The following DPH6 variants were observed in gnomAD, a reference collection of about 807,000 sequenced individuals.
The protein encoded by DPH6 is diphthamine biosynthesis 6, also known as diphthine--ammonia ligase.
Under a neutral mutation model 38.2 loss-of-function variants are expected in DPH6, and 33 were observed. The observed-to-expected ratio is 0.86, with a 90% CI of 0.65 to 1.15. The LOEUF (loss-of-function observed/expected upper bound fraction) is 1.15. Ranked by LOEUF, DPH6 falls within the 50% of genes most tolerant of loss-of-function variation. The pLI is 0.00. For missense variants in DPH6, 325 were observed against 320.0 expected (o/e 1.02, Z -0.12); for synonymous variants, 108 against 103.0 (o/e 1.05, Z -0.30).
intron 3 of DPH6, among the ~76,000 whole-genome samples, chr15:35,345,364 T>C (rs1489292063): frequency 6.6e-6 from 1 of 151,928 alleles, no homozygotes; most frequent in East Asian, 1.9e-4. Context: ...TTATTTATTT[T>C]TCTTGCCCAT....
chr15:35,338,578 T>C (rs1306243344), intron 3 of DPH6, among the ~76,000 whole-genome samples: 3 of 152,102 alleles, frequency 2.0e-5, no homozygotes, highest in African/African-American at 4.8e-5. Flanking sequence ...TTTTACACTA[T>C]TGGTGGGACT....
At chr15:35,337,175 G>A (rs1230501663) in intron 3 of DPH6, among the ~76,000 whole-genome samples, 1 of 152,172 alleles carries the variant, frequency 6.6e-6, no homozygotes, top group Non-Finnish European at 1.5e-5. Context: ...TTAGTCTTGG[G>A]AGAGTGTATG....
intron 3 of DPH6, chr15:35,520,583 CTTA>C (rs2054909881): frequency 2.0e-6 from 2 of 984,474 alleles, no homozygotes. Flanking sequence ...CATAAAGCTT[CTTA>C]TAATACTACC....
At chr15:35,318,182 G>C (rs553266429) in intron 3 of DPH6, among the ~76,000 whole-genome samples, 1 of 151,966 alleles carries the variant, frequency 6.6e-6, no homozygotes, top group East Asian at 1.9e-4. Context: ...AGAAAGGTTA[G>C]AAATAAAAAA....
At chr15:35,335,859 C>T (rs961312990) in intron 3 of DPH6, among the ~76,000 whole-genome samples, 16 of 152,184 alleles carry the variant, frequency 1.1e-4, no homozygotes, top group Admixed American at 9.8e-4. Context: ...ATTGTCTTGG[C>T]TCTTTGGCCT....
chr15:35,327,666 G>T (rs766769495), downstream of DPH6, among the ~76,000 whole-genome samples: 1 of 152,158 alleles, frequency 6.6e-6, no homozygotes, highest in Non-Finnish European at 1.5e-5. Flanking sequence ...TGAGCGAAGT[G>T]AAAGTCAGGA....
chr15:35,321,691 A>AT (rs1368267513), intron 3 of DPH6, among the ~76,000 whole-genome samples: 1 of 152,130 alleles, frequency 6.6e-6, no homozygotes, highest in Non-Finnish European at 1.5e-5. Flanking sequence ...AGTTTTATGG[A>AT]TTTTTCTAAA....
At chr15:35,345,247 T>A (rs1395176012) in intron 3 of DPH6, among the ~76,000 whole-genome samples, 1 of 151,868 alleles carries the variant, frequency 6.6e-6, no homozygotes, top group African/African-American at 2.4e-5. Flanking sequence ...CTTATCGATC[T>A]CAGTATTAAT....
At chr15:35,239,406 C>A (rs1294674276) in intron 3 of DPH6, among the ~76,000 whole-genome samples, 3 of 144,172 alleles carry the variant, frequency 2.1e-5, no homozygotes, top group African/African-American at 7.5e-5. Flanking sequence ...GGGAAGGCAG[C>A]CTTCCCTTGG....
intron 7 of DPH6, among the ~76,000 whole-genome samples, chr15:35,376,041 T>C (rs1174585926): frequency 1.3e-5 from 2 of 152,186 alleles, no homozygotes; most frequent in African/African-American, 2.4e-5. Flanking sequence ...AAGCCTTCCC[T>C]GACACCCTCA....
intron 6 of DPH6, among the ~76,000 whole-genome samples, chr15:35,382,231 C>T (rs994162321): frequency 6.6e-5 from 10 of 151,728 alleles, no homozygotes; most frequent in African/African-American, 1.9e-4. Flanking sequence ...GTCAGGAGAT[C>T]GAGACCATCC....
intron 5 of DPH6, among the ~76,000 whole-genome samples, chr15:35,411,781 C>T (rs1393615985): frequency 6.6e-6 from 1 of 151,610 alleles, no homozygotes; most frequent in Non-Finnish European, 1.5e-5. Flanking sequence ...GTTTTGTCAA[C>T]AAATGGTGTG....
chr15:35,349,419 C>T (rs752525003), intron 3 of DPH6, among the ~76,000 whole-genome samples: 3 of 151,942 alleles, frequency 2.0e-5, no homozygotes, highest in Non-Finnish European at 4.4e-5. Context: ...TGACTACGTG[C>T]ATTGTTTGTT....
At chr15:35,451,781 C>T (rs932807948) in intron 4 of DPH6, among the ~76,000 whole-genome samples, 1 of 152,128 alleles carries the variant, frequency 6.6e-6, no homozygotes, top group Admixed American at 6.5e-5. Context: ...GAGGCCAAGG[C>T]GGGTGGATCA....
chr15:35,377,948 C>G (rs998328116), intron 7 of DPH6, among the ~76,000 whole-genome samples: 1 of 151,692 alleles, frequency 6.6e-6, no homozygotes, highest in Non-Finnish European at 1.5e-5. Flanking sequence ...TAGATGACTG[C>G]AGTCTCGAAC....
the DPH6 span, among the ~76,000 whole-genome samples, chr15:35,159,054 T>C: frequency 6.6e-6 from 1 of 152,258 alleles, no homozygotes; most frequent in Admixed American, 6.5e-5. Context: ...TGTATACTTC[T>C]ACTTTTCTAA....
Position 35,372,166 on chromosome 15 carries a change from T to A in DPH6, c.788A>T (p.Tyr263Phe), listed in dbSNP as rs1446627656. The stretch of plus-strand genomic sequence containing the variant: ...AAACACTTTTCAAAAATTATATATA[T>A]AATTAGATGTTCTGTAGTTGTCAGG... ...SVPDNYRTSN[Y>F]IYNF Residue 263 changes from tyrosine (Y) to phenylalanine (F), a missense_variant, in exon 9 of 9, where the codon TAT becomes TTT. Physicochemically the swap from Tyr to Phe is conservative, Grantham distance 22 (BLOSUM62 3). Coordinates refer to ENST00000256538, the MANE Select transcript of DPH6 (RefSeq NM_080650.4). 6.6e-7 allele frequency: 1 copy of A among 1,520,350 alleles called. No homozygotes were observed. The highest frequency in any genetic ancestry group is 8.8e-7 in the Non-Finnish European group (1 of 1,136,980). The allele number at this position is 1,520,350 out of a possible 1,614,324, so 94.2% of individuals were successfully genotyped here.
intron 3 of DPH6, among the ~76,000 whole-genome samples, chr15:35,265,667 T>C (rs1020714070): frequency 2.6e-5 from 4 of 152,208 alleles, no homozygotes; most frequent in African/African-American, 9.6e-5. Flanking sequence ...AACTAATCTA[T>C]TGTGTTTAAA....
At chr15:35,312,010 G>GAAAAAAAAAAAAAAAA (rs10573455) in intron 3 of DPH6, among the ~76,000 whole-genome samples, 1 of 102,142 alleles carries the variant, frequency 9.8e-6, no homozygotes, top group Non-Finnish European at 1.9e-5. Context: ...TTAAGAAAAT[G>GAAAAAAAAAAAAAAAA]AAAAAAAAAA....
Sources: gnomAD v4.1 joint callset for allele counts (sites outside exome capture counted in the v4.1 genomes callset) on GRCh38, gnomAD v4.1.1 for gene constraint, MANE v1.5 for transcripts, NCBI Gene and HGNC (gene_info 2026-07-23, HGNC 2026-07-21) for gene names.